The following BTLA variants were observed in gnomAD, a reference collection of about 807,000 sequenced individuals.
The protein encoded by BTLA is B- and T-lymphocyte attenuator.
Under a neutral mutation model 25.0 loss-of-function variants are expected in BTLA, and 11 were observed. The observed-to-expected ratio is 0.44, with a 90% CI of 0.28 to 0.73. The LOEUF is 0.73. BTLA is among the 30% of genes least tolerant of loss of function. BTLA has a pLI of 0.15. For missense variants in BTLA, 282 were observed against 332.8 expected (o/e 0.85, Z 1.19); for synonymous variants, 104 against 119.8 (o/e 0.87, Z 0.86).
intron 2 of BTLA, among the ~76,000 whole-genome samples, chr3:112,475,209 T>C (rs1407661149): frequency 6.6e-6 from 1 of 152,146 alleles, no homozygotes; most frequent in Non-Finnish European, 1.5e-5. Flanking sequence ...GGATTTTCCA[T>C]GAGGATCAAG....
intron 1 of BTLA, among the ~76,000 whole-genome samples, chr3:112,491,661 T>C (rs2082380703): frequency 6.6e-6 from 1 of 152,210 alleles, no homozygotes; most frequent in African/African-American, 2.4e-5. Flanking sequence ...AGCACTATGC[T>C]TGGCACATAA....
At chr3:112,484,508 C>T (rs2082335680) in intron 1 of BTLA, among the ~76,000 whole-genome samples, 1 of 152,182 alleles carries the variant, frequency 6.6e-6, no homozygotes, top group Non-Finnish European at 1.5e-5. Flanking sequence ...AACTCACCAT[C>T]CCCTGACCAC....
Position 112,464,022 on chromosome 3 carries a change from T to A in BTLA, c.*2086A>T. ...TTCTCATTGAGCACAATCACAAGCT[T>A]AAAATTTGTGAAAAACCATTAAATT... is the stretch of plus-strand genomic sequence containing the variant. On this transcript the variant is annotated 3_prime_UTR_variant, in exon 5 of 5. Coordinates refer to ENST00000334529, the MANE Select transcript of BTLA (RefSeq NM_181780.4). The A allele has an allele frequency of 2.5e-6, 1 of 395,970 alleles. No homozygotes were observed. The allele number at this position is 395,970 out of a possible 1,614,324, so 24.5% of individuals were successfully genotyped here. A position where few individuals can be genotyped will look rare whatever the true frequency, so the allele number is the denominator to read the frequency against.
At chr3:112,489,901 T>C (rs1004024971) in intron 1 of BTLA, among the ~76,000 whole-genome samples, 4 of 152,134 alleles carry the variant, frequency 2.6e-5, no homozygotes, top group Non-Finnish European at 1.5e-5. Context: ...ATAATCTGTC[T>C]CTCAAATCTT....
At chr3:112,482,439 A>G (rs2082322963) in intron 1 of BTLA, among the ~76,000 whole-genome samples, 1 of 152,226 alleles carries the variant, frequency 6.6e-6, no homozygotes, top group Non-Finnish European at 1.5e-5. Context: ...AGTTTCTCAT[A>G]CATGTCTATC....
chr3:112,475,056 G>C (rs2082281760), intron 2 of BTLA, among the ~76,000 whole-genome samples: 2 of 152,200 alleles, frequency 1.3e-5, no homozygotes, highest in African/African-American at 4.8e-5. Context: ...TAAAGACAAA[G>C]AGTCCAATCA....
At chr3:112,467,468 C>T (rs139850336) in intron 4 of BTLA, among the ~76,000 whole-genome samples, 34 of 152,238 alleles carry the variant, frequency 2.2e-4, no homozygotes, top group African/African-American at 7.7e-4. Flanking sequence ...CAAGTTTTGC[C>T]CATCGATTTC....
chr3:112,479,803 G>A (rs1576683329), intron 1 of BTLA, 34 bp from the exon 2 acceptor site: 1 of 1,502,788 alleles, frequency 6.7e-7, no homozygotes, highest in East Asian at 2.3e-5. Flanking sequence ...AATCAAATAT[G>A]TTCTTCTGGA....
intron 4 of BTLA, 40 bp from the exon 5 acceptor site, chr3:112,466,423 G>T (rs1176409002): frequency 2.0e-6 from 3 of 1,508,952 alleles, no homozygotes; most frequent in South Asian, 2.8e-5. Context: ...GACACTTACG[G>T]CCATGGTAGT....
Position 112,471,212 on chromosome 3 carries a change from C to T in BTLA, c.547G>A (p.Gly183Arg). ...CLFCCLRRHQGKQNELSDTAG... is the reference protein window; with the variant it reads ...CLFCCLRRHQRKQNELSDTAG... The stretch of plus-strand genomic sequence containing the variant: ...GGGGCAGAGGGAAAATAGAACCCAC[C>T]TTGGTGCCTTCTCAGGCAGCAGAAC... The change falls in exon 3 of 5, where the codon GGA (glycine) becomes AGA (arginine). Residue 183 changes from glycine (G) to arginine (R), a missense_variant and splice_region_variant. Around this residue, in one of 2 missense-constraint regions of BTLA, gnomAD observed 163 missense variants for 230.4 expected, o/e 0.71. Coordinates refer to ENST00000334529, the MANE Select transcript of BTLA (RefSeq NM_181780.4). The T allele has an allele frequency of 6.2e-7, 1 of 1,613,776 alleles. No individual in the cohort carries two copies. The highest frequency in any genetic ancestry group is 8.5e-7 in the Non-Finnish European group (1 of 1,179,804).
chr3:112,464,220 A>G lies in BTLA; in HGVS notation c.*1888T>C, dbSNP rs2082212719. On this transcript the variant is annotated 3_prime_UTR_variant, in exon 5 of 5. Coordinates refer to ENST00000334529, the MANE Select transcript of BTLA (RefSeq NM_181780.4). The stretch of plus-strand genomic sequence containing the variant: ...GCAAACAGTACAAATATATTAATAC[A>G]TCTTAGAGATGAAATCATTATCAGC... The G allele has an allele frequency of 5.0e-6, 2 of 397,680 alleles. No individual in the cohort carries two copies. The highest frequency in any genetic ancestry group is 2.5e-4 in the South Asian group (2 of 7,848). 24.6% of individuals were successfully genotyped at this position (397,680 alleles called of 1,614,324 possible).
At chr3:112,467,595 T>C (rs1041964296) in intron 4 of BTLA, among the ~76,000 whole-genome samples, 2 of 152,258 alleles carry the variant, frequency 1.3e-5, no homozygotes, top group African/African-American at 4.8e-5. Context: ...AGGATGTCTA[T>C]GGCAGATTTC....
intron 2 of BTLA, among the ~76,000 whole-genome samples, chr3:112,473,673 G>A (rs2082274992): frequency 7.1e-6 from 1 of 140,482 alleles, no homozygotes; most frequent in Admixed American, 7.4e-5. Flanking sequence ...GGAGTGCAGT[G>A]GTGCAATCTC....
chr3:112,499,520 A>G (rs184132436), upstream of BTLA: 1,038 of 561,216 alleles, frequency 1.8e-3, 6 homozygotes, highest in Middle Eastern at 0.014. Context: ...GGAGAGTAGG[A>G]AGAGCCTGGA....
rs1576674648 is a variant in BTLA at position 112,465,963 on chromosome 3, G to C, written c.*145C>G. 1.2e-6 allele frequency: 1 copy of C among 829,284 alleles called. No homozygotes were observed. The highest frequency in any genetic ancestry group is 2.7e-5 in the East Asian group (1 of 36,700). The allele number at this position is 829,284 out of a possible 1,614,324, so 51.4% of individuals were successfully genotyped here. On this transcript the variant is annotated 3_prime_UTR_variant, in exon 5 of 5. Coordinates refer to ENST00000334529, the MANE Select transcript of BTLA (RefSeq NM_181780.4). ...AGAAATTTTAATCATTTATCCTATG[G>C]ACCCTTAAGACCCAAGCACTAACAT...
intron 4 of BTLA, among the ~76,000 whole-genome samples, 163 bp downstream of exon 4, chr3:112,469,595 A>G (rs900416379): frequency 2.7e-4 from 30 of 110,506 alleles, no homozygotes; most frequent in African/African-American, 9.8e-4. Flanking sequence ...ACATTTTTAA[A>G]AATGGGTCTA....
At position 112,483,140 on chromosome 3, in the gene BTLA, C is replaced by CTT. The variant is rs35513528; in HGVS notation, c.89-3373_89-3372dup. On this transcript the variant is annotated intron_variant, in intron 1 of 4. Coordinates refer to ENST00000334529, the MANE Select transcript of BTLA (RefSeq NM_181780.4). Reference sequence around the variant, plus strand: ...AGTATCTAACAAAGAGGGCACCTTTCTTTTTTTTTTTTTTTTTTTTTTTTG... The same window carrying CTT: ...AGTATCTAACAAAGAGGGCACCTTTCTTTTTTTTTTTTTTTTTTTTTTTTTTG... Among the ~76,000 whole-genome samples, 319 of 51,638 alleles carry CTT rather than the reference C, an allele frequency of 6.2e-3. 14 individuals carry two copies. Among genetic ancestry groups the CTT allele is most frequent in the African/African-American group, 0.015 (247 of 16,828 alleles). The allele number at this position is 51,638 out of a possible 152,430, so 33.9% of individuals were successfully genotyped here. A position where few individuals can be genotyped will look rare whatever the true frequency, so the allele number is the denominator to read the frequency against.
chr3:112,498,751 T>C (rs1304888338), intron 1 of BTLA, among the ~76,000 whole-genome samples: 1 of 152,098 alleles, frequency 6.6e-6, no homozygotes, highest in Non-Finnish European at 1.5e-5. Flanking sequence ...ATTTTCTCAA[T>C]CGGTATTCTC....
chr3:112,469,276 G>T lies in BTLA; in HGVS notation c.594+482C>A, dbSNP rs2082247091. On this transcript the variant is annotated intron_variant, in intron 4 of 4. Transcript: ENST00000334529. ...ACCTCTGTGTAATAACTAAGCCAAA[G>T]ATCATGTCTCTATTTTGCTGGTGCT... is the stretch of plus-strand genomic sequence containing the variant. Among the ~76,000 whole-genome samples, 3 of 152,210 alleles carry T rather than the reference G, an allele frequency of 2.0e-5. No homozygotes were observed. The South Asian group carries it at 6.2e-4, about 32-fold the overall frequency.
Sources: allele counts gnomAD v4.1 joint callset (sites outside exome capture counted in the v4.1 genomes callset), GRCh38; gene constraint gnomAD v4.1.1; regional missense constraint gnomAD v4.1.1; transcripts MANE v1.5; gene names NCBI Gene and HGNC (gene_info 2026-07-23, HGNC 2026-07-21).